The following CEP83 variants were observed in gnomAD, a reference collection of about 807,000 sequenced individuals.
CEP83 encodes the protein centrosomal protein of 83 kDa.
A neutral mutation model predicts 101.9 loss-of-function variants in CEP83; 70 were observed. The observed-to-expected ratio is 0.69, with a 90% CI of 0.57 to 0.84. The LOEUF is 0.84. CEP83 is among the 40% of genes least tolerant of loss of function. CEP83 has a pLI of 0.00. For missense variants in CEP83, 715 were observed against 787.2 expected, an observed-to-expected ratio of 0.91 and a Z score of 1.10; for synonymous variants, 264 against 267.9, an observed-to-expected ratio of 0.99 and a Z score of 0.14.
chr12:94,438,035 G>A (rs1156242046), intron 1 of CEP83, among the ~76,000 whole-genome samples: 2 of 152,080 alleles, frequency 1.3e-5, no homozygotes, highest in East Asian at 1.9e-4. Context: ...TGGCCAACAC[G>A]GCAAAAGCCC....
chr12:94,338,127 G>A (rs964752922), intron 11 of CEP83, among the ~76,000 whole-genome samples: 2 of 152,200 alleles, frequency 1.3e-5, no homozygotes, highest in African/African-American at 2.4e-5. Flanking sequence ...CAAGGTCCAA[G>A]AAGCGTCTAG....
Position 94,431,214 on chromosome 12 carries a change from A to T in CEP83, c.-102+4061T>A, listed in dbSNP as rs142124825. Reference sequence around the variant, plus strand: ...TGGGAAAGAATGTCCCCTTCAATAAATGGTGCTGGGAAAACTGAATATCCA... The same window carrying T: ...TGGGAAAGAATGTCCCCTTCAATAATTGGTGCTGGGAAAACTGAATATCCA... On this transcript the variant is annotated intron_variant, in intron 2 of 16. Coordinates refer to ENST00000397809, the MANE Select transcript of CEP83 (RefSeq NM_016122.3). 7.9e-5 allele frequency among the ~76,000 whole-genome samples: 12 copies of T among 152,312 alleles called. No individual in the cohort carries two copies. The East Asian group carries it at 2.3e-3, about 29-fold the overall frequency.
At chr12:94,397,052 A>G (rs1484021538) in intron 6 of CEP83, among the ~76,000 whole-genome samples, 1 of 152,240 alleles carries the variant, frequency 6.6e-6, no homozygotes, top group Non-Finnish European at 1.5e-5. Context: ...TAAATCCACA[A>G]TTATACACTC....
intron 4 of CEP83, among the ~76,000 whole-genome samples, chr12:94,404,360 T>C (rs1277955133): frequency 6.6e-6 from 1 of 152,102 alleles, no homozygotes; most frequent in Non-Finnish European, 1.5e-5. Flanking sequence ...AGAACCCTTA[T>C]ATAGAAAGCT....
chr12:94,457,013 G>T (rs1220642029), intron 1 of CEP83, among the ~76,000 whole-genome samples: 1 of 152,100 alleles, frequency 6.6e-6, no homozygotes, highest in Non-Finnish European at 1.5e-5. Context: ...TATGTATGAG[G>T]TCATGGTGGA....
At chr12:94,407,080 T>C (rs2063587835) in intron 4 of CEP83, among the ~76,000 whole-genome samples, 1 of 151,576 alleles carries the variant, frequency 6.6e-6, no homozygotes, top group Non-Finnish European at 1.5e-5. Context: ...CTAACCAAAA[T>C]GAAGCACAGA....
At chr12:94,428,407 T>A (rs2065369138) in intron 2 of CEP83, among the ~76,000 whole-genome samples, 1 of 152,222 alleles carries the variant, frequency 6.6e-6, no homozygotes, top group Admixed American at 6.5e-5. Context: ...ACCCATAATA[T>A]GGCTGCTAAT....
At chr12:94,348,739 T>C (rs1338946512) in intron 11 of CEP83, among the ~76,000 whole-genome samples, 2 of 152,148 alleles carry the variant, frequency 1.3e-5, no homozygotes, top group African/African-American at 2.4e-5. Flanking sequence ...ATCGATGAGA[T>C]GCATTGAAAA....
At chr12:94,301,384 A>ATCAT in the CEP83 span, among the ~76,000 whole-genome samples, 1 of 152,200 alleles carries the variant, frequency 6.6e-6, no homozygotes, top group African/African-American at 2.4e-5. Context: ...CAACCATTGA[A>ATCAT]ATTTGCCTAA....
intron 1 of CEP83, among the ~76,000 whole-genome samples, chr12:94,451,720 A>G (rs1426698233): frequency 6.6e-6 from 1 of 152,188 alleles, no homozygotes; most frequent in Non-Finnish European, 1.5e-5. Flanking sequence ...TGGTACAGCT[A>G]CTTTGGAAAA....
chr12:94,333,675 C>T, intron 12 of CEP83, 36 bp from the exon 13 acceptor site: 5 of 1,597,728 alleles, frequency 3.1e-6, no homozygotes, highest in Non-Finnish European at 4.3e-6. Flanking sequence ...TTAAAGCCCA[C>T]TAAATAAATG....
the CEP83 span, among the ~76,000 whole-genome samples, chr12:94,296,553 C>A: frequency 6.6e-6 from 1 of 152,284 alleles, no homozygotes; most frequent in Admixed American, 6.5e-5. Context: ...CCTCACTCTG[C>A]GCTACTCTTG....
chr12:94,357,779 T>C (rs943861118), intron 11 of CEP83, among the ~76,000 whole-genome samples: 7 of 152,356 alleles, frequency 4.6e-5, no homozygotes, highest in South Asian at 4.1e-4. Flanking sequence ...ACAGGAGTCA[T>C]TGATTCAGAT....
At chr12:94,398,311 T>C (rs2063027019) in intron 6 of CEP83, among the ~76,000 whole-genome samples, 1 of 152,206 alleles carries the variant, frequency 6.6e-6, no homozygotes, top group Non-Finnish European at 1.5e-5. Context: ...TACTATAACC[T>C]GGCTGCTGAC....
intron 16 of CEP83, among the ~76,000 whole-genome samples, chr12:94,309,440 C>T (rs1233331438): frequency 6.6e-6 from 1 of 152,132 alleles, no homozygotes; most frequent in Non-Finnish European, 1.5e-5. Context: ...GAAACTTTGT[C>T]ACTTATTAGC....
At chr12:94,432,212 G>A (rs1200465637) in intron 2 of CEP83, among the ~76,000 whole-genome samples, 10 of 151,240 alleles carry the variant, frequency 6.6e-5, no homozygotes, top group African/African-American at 1.9e-4. Context: ...CCACCACCAC[G>A]CCCAGCTAAT....
intron 2 of CEP83, chr12:94,423,789 G>C (rs1195703062): frequency 2.5e-6 from 4 of 1,613,680 alleles, no homozygotes; most frequent in Non-Finnish European, 1.7e-6. Context: ...CTGAGGGTGT[G>C]TCCACTGCCA....
intron 11 of CEP83, among the ~76,000 whole-genome samples, chr12:94,341,169 T>C (rs1347350652): frequency 2.0e-5 from 3 of 152,128 alleles, no homozygotes; most frequent in Non-Finnish European, 4.4e-5. Context: ...ATAAAAATAA[T>C]TTTTATTACT....
rs552701861 is a variant in CEP83, at chr12:94,382,023, AT to A, written c.550-2982del. Among the ~76,000 whole-genome samples, 12 of 152,160 alleles carry A rather than the reference AT, an allele frequency of 7.9e-5. No homozygotes were observed. In the South Asian group the frequency reaches 1.2e-3, roughly 16 times the overall value. The stretch of plus-strand genomic sequence containing the variant: ...CATTTTGGGAGTTTTAAAATTACAG[AT>A]TGAATTTCCCTAACAGTAATAGGTC... On this transcript the variant is annotated intron_variant, in intron 6 of 16. Transcript: ENST00000397809.
Sources: gnomAD v4.1 joint callset for allele counts (sites outside exome capture counted in the v4.1 genomes callset) on GRCh38, gnomAD v4.1.1 for gene constraint, MANE v1.5 for transcripts, NCBI Gene and HGNC (gene_info 2026-07-23, HGNC 2026-07-21) for gene names.